The following RREB1 variants were observed in gnomAD, a reference collection of about 807,000 sequenced individuals.
The protein encoded by RREB1 is ras responsive element binding protein 1.
In RREB1, 27 loss-of-function variants were observed where a neutral mutation model predicts 117.8. The ratio of observed to expected loss-of-function variants is 0.23; its 90% confidence interval spans 0.17 to 0.32. The LOEUF is 0.32. Ranked by LOEUF, RREB1 falls within the 10% of genes least tolerant of loss-of-function variation. The probability of loss-of-function intolerance (pLI) is 1.00; values close to 1 mark genes in which losing one functional copy is unlikely to be tolerated. For synonymous variants in RREB1, 1,298 were observed against 1,026.7 expected (o/e 1.26, Z -5.05); for missense variants, 2,577 against 2,378.2 (o/e 1.08, Z -1.74).
chr6:7,109,453 G>A (rs1031510894), intron 1 of RREB1, among the ~76,000 whole-genome samples: 3 of 152,014 alleles, frequency 2.0e-5, no homozygotes, highest in Non-Finnish European at 4.4e-5. Flanking sequence ...CCTGCTCCGC[G>A]GCCGCGCGTG....
chr6:7,145,910 A>G (rs1762831556), intron 1 of RREB1, among the ~76,000 whole-genome samples: 1 of 151,954 alleles, frequency 6.6e-6, no homozygotes, highest in Non-Finnish European at 1.5e-5. Flanking sequence ...GCCAGAAAGG[A>G]GTTAACAGAA....
intron 11 of RREB1, among the ~76,000 whole-genome samples, chr6:7,243,991 G>A (rs1217514287): frequency 6.6e-6 from 1 of 152,172 alleles, no homozygotes; most frequent in Non-Finnish European, 1.5e-5. Context: ...GTCGGGCGTG[G>A]TGGCGCATGC....
At chr6:7,232,443 G>C (rs1369299243) in intron 10 of RREB1, among the ~76,000 whole-genome samples, 1 of 152,166 alleles carries the variant, frequency 6.6e-6, no homozygotes, top group Non-Finnish European at 1.5e-5. Context: ...TTTTCTTTCA[G>C]TTCACTAAGG....
At chr6:7,193,304 G>A (rs1382664667) in intron 6 of RREB1, among the ~76,000 whole-genome samples, 1 of 152,198 alleles carries the variant, frequency 6.6e-6, no homozygotes, top group Admixed American at 6.5e-5. Flanking sequence ...TGTGTATTCT[G>A]CTGTTGTTGG....
At chr6:7,216,673 T>C (rs1383465167) in intron 8 of RREB1, 1 of 152,256 alleles carries the variant, frequency 6.6e-6, no homozygotes, top group East Asian at 1.9e-4. Flanking sequence ...ATCCCACCCT[T>C]GTCAAATGTC....
At chr6:7,110,036 G>A (rs1261877437) in intron 1 of RREB1, among the ~76,000 whole-genome samples, 1 of 152,080 alleles carries the variant, frequency 6.6e-6, no homozygotes, top group Non-Finnish European at 1.5e-5. Flanking sequence ...AAATAGCGAG[G>A]AATTTCTGTC....
At chr6:7,145,908 G>C (rs1050796054) in intron 1 of RREB1, among the ~76,000 whole-genome samples, 1 of 151,992 alleles carries the variant, frequency 6.6e-6, no homozygotes, top group Non-Finnish European at 1.5e-5. Context: ...TTGCCAGAAA[G>C]GAGTTAACAG....
intron 6 of RREB1, among the ~76,000 whole-genome samples, chr6:7,209,680 G>A (rs992338713): frequency 2.0e-5 from 3 of 148,634 alleles, no homozygotes; most frequent in Non-Finnish European, 3.0e-5. Context: ...AGCCAATACC[G>A]TGCCACTGCA....
At chr6:7,128,288 A>G (rs1182007873) in intron 1 of RREB1, among the ~76,000 whole-genome samples, 1 of 151,950 alleles carries the variant, frequency 6.6e-6, no homozygotes, top group African/African-American at 2.4e-5. Flanking sequence ...TTGTTTTTTC[A>G]TGTGTTCTCG....
intron 1 of RREB1, among the ~76,000 whole-genome samples, chr6:7,143,484 C>G (rs538228989): frequency 6.6e-6 from 1 of 152,120 alleles, no homozygotes; most frequent in South Asian, 2.1e-4. Context: ...GGCTTTCCCC[C>G]GACACTGGCT....
intron 1 of RREB1, among the ~76,000 whole-genome samples, chr6:7,122,445 T>G (rs1258343988): frequency 6.6e-6 from 1 of 152,228 alleles, no homozygotes; most frequent in East Asian, 1.9e-4. Context: ...TTTAAAATTT[T>G]TGTAGAGGTG....
intron 8 of RREB1, chr6:7,214,996 T>A (rs980615860): frequency 2.6e-5 from 4 of 152,246 alleles, no homozygotes; most frequent in African/African-American, 9.7e-5. Context: ...TAGGATCAGG[T>A]GTTAGCTTCA....
At position 7,187,441 on chromosome 6, in the gene RREB1, A is replaced by G. The variant is rs1288772798; in HGVS notation, c.179A>G (p.Lys60Arg). Residue 60 changes from lysine to arginine, a missense_variant, in exon 5 of 13, where the codon AAA (lysine) becomes AGA (arginine). By Grantham distance (26) the Lys-to-Arg change is conservative. Coordinates refer to ENST00000379938, the MANE Select transcript of RREB1 (RefSeq NM_001003699.4). ...TTTAATCTTTCTTTTTAGGAAACGA[A>G]AGAGGAGAAGTCTTCCTATAACTGC... ...NRIGRRNQET[K>R]EEKSSYNCPL... The G allele has an allele frequency of 1.3e-6, 2 of 1,598,742 alleles. No homozygotes were observed. Among genetic ancestry groups the G allele is most frequent in the East Asian group, 4.5e-5 (2 of 44,784 alleles).
chr6:7,130,520 A>G lies in RREB1; in HGVS notation c.-285+22460A>G, dbSNP rs550862408. On this transcript the variant is annotated intron_variant, in intron 1 of 12. Transcript: ENST00000379938. ...TGGGGGCATAGTGTTCTTCCCCAGA[A>G]TTGCTTTTCCCAGCTGTTTCTCTAT... Among the ~76,000 whole-genome samples, 10 of 151,876 alleles carry G rather than the reference A, an allele frequency of 6.6e-5. No homozygotes were observed. In the East Asian group the frequency reaches 1.4e-3, roughly 21 times the overall value.
rs761989344 is a variant in RREB1, at chr6:7,229,358, T to C, written c.1259T>C (p.Leu420Pro). 2.3e-5 allele frequency: 37 copies of C among 1,614,054 alleles called. No individual in the cohort carries two copies. Among genetic ancestry groups the C allele is most frequent in the Middle Eastern group, 1.6e-4 (1 of 6,082 alleles). ...CTGTCACCTTTCGAAGCTGCTTCCC[T>C]AGGCGGTTCTCTCACAGTTCTCCCC... ...LSLSPFEAAS[L>P]GGSLTVLPAT... The change falls in exon 10 of 13, where the codon CTA (leucine) becomes CCA (proline). Residue 420 changes from leucine to proline, a missense_variant. Transcript: ENST00000379938. This position sits in a 1 kb window ranked among gnomAD's most constrained non-coding sequence, Gnocchi z 4.5.
intron 6 of RREB1, among the ~76,000 whole-genome samples, chr6:7,204,861 C>T (rs1423943185): frequency 2.0e-5 from 3 of 152,218 alleles, no homozygotes; most frequent in Admixed American, 2.0e-4. Context: ...CTGAGACCTG[C>T]TCTGAGGGCA....
intron 6 of RREB1, among the ~76,000 whole-genome samples, chr6:7,190,918 C>T (rs931024383): frequency 2.0e-5 from 3 of 152,246 alleles, no homozygotes; most frequent in Admixed American, 6.5e-5. Flanking sequence ...TGGGCCAGCT[C>T]CAAGTTGGCA....
At chr6:7,136,747 T>C (rs1032928756) in intron 1 of RREB1, among the ~76,000 whole-genome samples, 1 of 152,212 alleles carries the variant, frequency 6.6e-6, no homozygotes, top group Non-Finnish European at 1.5e-5. Context: ...AAATAAAGCA[T>C]AAATATCTTT....
At chr6:7,199,545 G>GC (rs1319049916) in intron 6 of RREB1, among the ~76,000 whole-genome samples, 3 of 152,144 alleles carry the variant, frequency 2.0e-5, no homozygotes, top group African/African-American at 7.2e-5. Flanking sequence ...GCCAAGTTGT[G>GC]CAAATCCTTA....
Sources: gnomAD v4.1 joint callset for allele counts (sites outside exome capture counted in the v4.1 genomes callset) on GRCh38, gnomAD v4.1.1 for gene constraint, Gnocchi (gnomAD v3.1) non-coding constraint, MANE v1.5 for transcripts, NCBI Gene and HGNC (gene_info 2026-07-23, HGNC 2026-07-21) for gene names.